The following MYRFL variants were observed in gnomAD, a reference collection of about 807,000 sequenced individuals.
The protein encoded by MYRFL is myelin regulatory factor like, also known as myelin regulatory factor-like protein.
A neutral mutation model predicts 109.4 loss-of-function variants in MYRFL; 88 were observed. That is an observed-to-expected ratio of 0.80 (90% CI 0.68 to 0.96). The LOEUF is 0.96. Ranked by LOEUF, MYRFL falls within the 40% of genes least tolerant of loss-of-function variation. The pLI, the probability that MYRFL is intolerant of heterozygous loss-of-function variation, is 0.00. For missense variants in MYRFL, 957 were observed against 954.9 expected (o/e 1.00, Z -0.03); for synonymous variants, 324 against 320.9 (o/e 1.01, Z -0.10).
intron 2 of MYRFL, among the ~76,000 whole-genome samples, chr12:69,873,118 A>G (rs1461192458): frequency 2.6e-5 from 4 of 152,192 alleles, no homozygotes; most frequent in Non-Finnish European, 5.9e-5. Flanking sequence ...AGTTTCATGA[A>G]TAGAAGATTA....
At chr12:69,955,713 T>A (rs1956077608) in intron 22 of MYRFL, among the ~76,000 whole-genome samples, 1 of 152,160 alleles carries the variant, frequency 6.6e-6, no homozygotes, top group South Asian at 2.1e-4. Context: ...AGCTATAGAC[T>A]TCCCCTGACT....
At chr12:69,836,706 T>C (rs1490994162) in intron 1 of MYRFL, among the ~76,000 whole-genome samples, 1 of 152,180 alleles carries the variant, frequency 6.6e-6, no homozygotes, top group Admixed American at 6.5e-5. Context: ...TTTATCCGTA[T>C]AAGGATAAGA....
At chr12:69,864,996 C>A (rs899588713) in intron 2 of MYRFL, among the ~76,000 whole-genome samples, 1 of 152,140 alleles carries the variant, frequency 6.6e-6, no homozygotes, top group Admixed American at 6.5e-5. Flanking sequence ...ACAGAAAGAC[C>A]TTTAGCTGTT....
At position 69,923,918 on chromosome 12, in the gene MYRFL, A is replaced by T. The variant is rs149274991; in HGVS notation, c.1603-2653A>T. 7.9e-4 allele frequency among the ~76,000 whole-genome samples: 120 copies of T among 152,276 alleles called. 1 individual carries two copies. The highest frequency in any genetic ancestry group is 2.9e-3 in the African/African-American group (120 of 41,550). On this transcript the variant is annotated intron_variant, in intron 13 of 24. Transcript: ENST00000552032. Reference sequence around the variant, plus strand: ...AAATACCTACATATGGGCCAGGCGCAGTGGCTCATGCCTGTAATCCCAGCA... The same window carrying T: ...AAATACCTACATATGGGCCAGGCGCTGTGGCTCATGCCTGTAATCCCAGCA...
At chr12:69,898,984 C>T (rs1234188657) in intron 10 of MYRFL, among the ~76,000 whole-genome samples, 1 of 152,172 alleles carries the variant, frequency 6.6e-6, no homozygotes, top group South Asian at 2.1e-4. Flanking sequence ...GTCGAAAGTT[C>T]CATGATTCGT....
At chr12:69,958,053 TC>T (rs1209023210) in intron 23 of MYRFL, 111 bp downstream of exon 23, 6 of 1,408,246 alleles carry the variant, frequency 4.3e-6, no homozygotes, top group East Asian at 2.5e-5. Flanking sequence ...CTCAGCCTCT[TC>T]CTTGTGTCCT....
intron 19 of MYRFL, among the ~76,000 whole-genome samples, chr12:69,945,050 A>C (rs1230925203): frequency 2.0e-5 from 3 of 152,162 alleles, no homozygotes; most frequent in Non-Finnish European, 4.4e-5. Flanking sequence ...ATAAAGAAAG[A>C]AAATATCTTT....
intron 5 of MYRFL, among the ~76,000 whole-genome samples, chr12:69,881,878 T>A (rs1185474305): frequency 1.3e-5 from 2 of 152,182 alleles, no homozygotes; most frequent in Non-Finnish European, 2.9e-5. Flanking sequence ...ACATCTAGCC[T>A]GTAGCTTTTT....
chr12:69,870,193 C>T (rs1592730228), intron 2 of MYRFL, among the ~76,000 whole-genome samples: 1 of 124,774 alleles, frequency 8.0e-6, no homozygotes, highest in Non-Finnish European at 1.6e-5. Context: ...ACTGCAACCT[C>T]TGCCTCCTGG....
chr12:69,912,817 C>T (rs1013181286), intron 13 of MYRFL, among the ~76,000 whole-genome samples: 5 of 152,132 alleles, frequency 3.3e-5, no homozygotes, highest in African/African-American at 1.2e-4. Flanking sequence ...GGAATATTTA[C>T]TCAGAAGTGG....
At chr12:69,932,354 T>G (rs911281679) in intron 15 of MYRFL, among the ~76,000 whole-genome samples, 159 bp from the exon 16 acceptor site, 1 of 152,196 alleles carries the variant, frequency 6.6e-6, no homozygotes, top group Non-Finnish European at 1.5e-5. Context: ...AATGTTGTTT[T>G]CAGAGAGGCA....
chr12:69,938,328 C>T (rs1955532276), intron 19 of MYRFL, among the ~76,000 whole-genome samples: 1 of 152,186 alleles, frequency 6.6e-6, no homozygotes, highest in Non-Finnish European at 1.5e-5. Flanking sequence ...TCAGAAGAGA[C>T]CATCTCACCT....
chr12:69,890,357 G>A (rs2136337810), intron 6 of MYRFL, among the ~76,000 whole-genome samples: 1 of 152,212 alleles, frequency 6.6e-6, no homozygotes, highest in South Asian at 2.1e-4. Context: ...TATTTCTATT[G>A]TGTTGTGGAG....
chr12:69,885,420 A>G (rs1269801945), intron 5 of MYRFL, among the ~76,000 whole-genome samples: 4 of 152,144 alleles, frequency 2.6e-5, no homozygotes, highest in Non-Finnish European at 5.9e-5. Context: ...AAGTTTGAAG[A>G]TGAAAAAACA....
intron 5 of MYRFL, 122 bp from the exon 6 acceptor site, chr12:69,886,698 A>G: frequency 8.4e-7 from 1 of 1,192,688 alleles, no homozygotes; most frequent in Non-Finnish European, 1.2e-6. Context: ...TACCCCCAGC[A>G]CATGACACTT....
Position 69,926,664 on chromosome 12 carries a change from A to C in MYRFL, c.1696A>C (p.Asn566His). ...AAGAATAGAAGAGTTAGAAATATGG[A>C]ACAGAAAGCTGGCCCGGCTAAAGCG... Reference protein sequence around the residue: ...EERIEELEIWNRKLARLKRLS... With the variant: ...EERIEELEIWHRKLARLKRLS... The change falls in exon 14 of 25, where the codon AAC becomes CAC. Residue 566 changes from asparagine to histidine, a missense_variant. Coordinates refer to ENST00000552032, the MANE Select transcript of MYRFL (RefSeq NM_182530.3). 6.5e-7 allele frequency: 1 copy of C among 1,526,798 alleles called. No individual in the cohort carries two copies. The highest frequency in any genetic ancestry group is 1.2e-5 in the South Asian group (1 of 82,462). 94.6% of individuals were successfully genotyped at this position (1,526,798 alleles called of 1,614,324 possible). A position where few individuals can be genotyped will look rare whatever the true frequency, so the allele number is the denominator to read the frequency against.
Position 69,958,229 on chromosome 12 carries a change from C to G in MYRFL, c.2572-20C>G, listed in dbSNP as rs1465619770. 6.6e-7 allele frequency: 1 copy of G among 1,521,820 alleles called. No individual in the cohort carries two copies. Among genetic ancestry groups the G allele is most frequent in the East Asian group, 2.4e-5 (1 of 40,840 alleles). The allele number at this position is 1,521,820 out of a possible 1,614,324, so 94.3% of individuals were successfully genotyped here. ...GTCAAATGCGTGTACGAAATGGATC[C>G]TCTTTTATTCACTATTTAGGGATAT... On this transcript the variant is annotated intron_variant, in intron 23 of 24. Transcript: ENST00000552032.
At position 69,957,824 on chromosome 12, in the gene MYRFL, C is replaced by G. The variant is rs1327103202; in HGVS notation, c.2453C>G (p.Thr818Arg). The change falls in exon 23 of 25, where the codon ACA (threonine) becomes AGA (arginine). Residue 818 changes from threonine (T) to arginine (R), a missense_variant and splice_region_variant. Physicochemically the swap from Thr to Arg is moderately conservative, Grantham distance 71 (BLOSUM62 -1). Coordinates refer to ENST00000552032, the MANE Select transcript of MYRFL (RefSeq NM_182530.3). ...TTTCTTTTCTTTGTCTCTTGAAGCA[C>G]AACAGAGCCATTGATAGTCTTCCAG... ...TNVKFSLEINTTEPLIVFQCK... is the reference protein window; with the variant it reads ...TNVKFSLEINRTEPLIVFQCK... 1.2e-5 allele frequency: 18 copies of G among 1,529,662 alleles called. No individual in the cohort carries two copies. Among genetic ancestry groups the G allele is most frequent in the Non-Finnish European group, 1.5e-5 (17 of 1,141,972 alleles). 94.8% of individuals were successfully genotyped at this position (1,529,662 alleles called of 1,614,324 possible). A position where few individuals can be genotyped will look rare whatever the true frequency, so the allele number is the denominator to read the frequency against.
chr12:69,895,839 C>T (rs1465630911), intron 9 of MYRFL, among the ~76,000 whole-genome samples: 1 of 152,174 alleles, frequency 6.6e-6, no homozygotes, highest in Non-Finnish European at 1.5e-5. Context: ...TCTTGAAGTT[C>T]TGCTATGACC....
Sources: gnomAD v4.1 joint callset for allele counts (sites outside exome capture counted in the v4.1 genomes callset) on GRCh38, gnomAD v4.1.1 for gene constraint, MANE v1.5 for transcripts, NCBI Gene and HGNC (gene_info 2026-07-23, HGNC 2026-07-21) for gene names.